BARX2: variants seen among roughly 807,000 people sequenced by gnomAD.
BARX2 encodes homeobox protein BarH-like 2.
In BARX2, 11 loss-of-function variants were observed where a neutral mutation model predicts 25.5. The ratio of observed to expected loss-of-function variants is 0.43; its 90% CI spans 0.27 to 0.71. BARX2 has a LOEUF of 0.71. Ranked by LOEUF, BARX2 falls within the 30% of genes least tolerant of loss-of-function variation. The pLI is 0.19. For synonymous variants in BARX2, 137 were observed against 149.5 expected, an observed-to-expected ratio of 0.92 and a Z score of 0.61; for missense variants, 360 against 359.9, an observed-to-expected ratio of 1.00 and a Z score of 0.00.
intron 2 of BARX2, 172 bp downstream of exon 2, chr11:129,437,223 T>A: frequency 1.3e-6 from 1 of 743,260 alleles, no homozygotes; most frequent in African/African-American, 1.8e-5. Flanking sequence ...CCAGCCCACA[T>A]GAATCCACCA....
chr11:129,442,329 A>T (rs1173246341), intron 2 of BARX2, among the ~76,000 whole-genome samples: 1 of 152,114 alleles, frequency 6.6e-6, no homozygotes, highest in African/African-American at 2.4e-5. Context: ...GAAACGTGGG[A>T]CCATCTGGGT....
intron 1 of BARX2, among the ~76,000 whole-genome samples, chr11:129,397,141 G>A (rs192198254): frequency 5.3e-5 from 8 of 152,116 alleles, no homozygotes; most frequent in Middle Eastern, 3.4e-3. Context: ...AAAGTTAGCC[G>A]GGCGTGGTGG....
At chr11:129,388,245 C>T (rs1591427812) in intron 1 of BARX2, among the ~76,000 whole-genome samples, 1 of 152,214 alleles carries the variant, frequency 6.6e-6, no homozygotes. Context: ...TCTTTCATTT[C>T]CTGTGGTGAT....
At chr11:129,423,547 T>C (rs1416273815) in intron 1 of BARX2, among the ~76,000 whole-genome samples, 1 of 152,212 alleles carries the variant, frequency 6.6e-6, no homozygotes, top group Non-Finnish European at 1.5e-5. Flanking sequence ...CCTGACATTG[T>C]GCACATCTCC....
chr11:129,430,642 G>C (rs868801957), intron 1 of BARX2, among the ~76,000 whole-genome samples: 4 of 152,000 alleles, frequency 2.6e-5, no homozygotes, highest in African/African-American at 9.7e-5. Flanking sequence ...AACAATCTTA[G>C]CACCTCCCCT....
At chr11:129,439,357 C>T (rs1862230460) in intron 2 of BARX2, among the ~76,000 whole-genome samples, 1 of 152,026 alleles carries the variant, frequency 6.6e-6, no homozygotes. Flanking sequence ...TATACACGTG[C>T]CATGGTGGTT....
intron 1 of BARX2, among the ~76,000 whole-genome samples, chr11:129,434,058 C>T (rs1233851274): frequency 1.3e-5 from 2 of 151,910 alleles, no homozygotes; most frequent in Non-Finnish European, 2.9e-5. Context: ...GAGGTTATCA[C>T]TGTTAACAGT....
chr11:129,427,001 A>C (rs531564528), intron 1 of BARX2, among the ~76,000 whole-genome samples: 124 of 152,312 alleles, frequency 8.1e-4, no homozygotes, highest in African/African-American at 2.9e-3. Flanking sequence ...GCTACTGCTG[A>C]ATCTTGCTTT....
chr11:129,386,323 C>T (rs1050216568), intron 1 of BARX2, among the ~76,000 whole-genome samples: 2 of 152,174 alleles, frequency 1.3e-5, no homozygotes, highest in Non-Finnish European at 2.9e-5. Context: ...TAGCATTTCA[C>T]CAGTGGTCCT....
chr11:129,400,933 A>C (rs1003628926), intron 1 of BARX2, among the ~76,000 whole-genome samples: 1 of 152,194 alleles, frequency 6.6e-6, no homozygotes, highest in Non-Finnish European at 1.5e-5. Context: ...GGAACAAGTG[A>C]TCAGCTGTGT....
chr11:129,412,476 A>C (rs990275059), intron 1 of BARX2, among the ~76,000 whole-genome samples: 1 of 152,190 alleles, frequency 6.6e-6, no homozygotes, highest in African/African-American at 2.4e-5. Context: ...CGATTATTGA[A>C]ACAGCAGTGT....
At chr11:129,420,621 C>G (rs1184117997) in intron 1 of BARX2, among the ~76,000 whole-genome samples, 2 of 152,196 alleles carry the variant, frequency 1.3e-5, no homozygotes, top group Non-Finnish European at 2.9e-5. Context: ...TTCGTAGTTA[C>G]AGTCTGGATC....
At chr11:129,406,166 A>T (rs1271363050) in intron 1 of BARX2, among the ~76,000 whole-genome samples, 1 of 152,256 alleles carries the variant, frequency 6.6e-6, no homozygotes, top group Non-Finnish European at 1.5e-5. Context: ...ACACACATTC[A>T]TCTGAAATTC....
intron 1 of BARX2, among the ~76,000 whole-genome samples, chr11:129,386,093 T>C (rs1861614576): frequency 6.6e-6 from 1 of 152,250 alleles, no homozygotes; most frequent in Admixed American, 6.5e-5. Context: ...CCAAGATAAC[T>C]GCTGTTTCTC....
intron 2 of BARX2, among the ~76,000 whole-genome samples, chr11:129,441,233 T>G (rs1461046918): frequency 6.6e-6 from 1 of 152,060 alleles, no homozygotes; most frequent in African/African-American, 2.4e-5. Context: ...TGTGCAGATA[T>G]ATTGTGAGTG....
At chr11:129,440,409 T>C (rs934897120) in intron 2 of BARX2, among the ~76,000 whole-genome samples, 1 of 152,208 alleles carries the variant, frequency 6.6e-6, no homozygotes, top group African/African-American at 2.4e-5. Context: ...GCCAGAACCA[T>C]GGAGGACCCG....
intron 1 of BARX2, among the ~76,000 whole-genome samples, chr11:129,385,500 A>G (rs1565508819): frequency 6.6e-6 from 1 of 152,214 alleles, no homozygotes; most frequent in Non-Finnish European, 1.5e-5. Context: ...ATTAATATGG[A>G]TACATTTTAG....
chr11:129,417,486 C>A (rs941363265), intron 1 of BARX2, among the ~76,000 whole-genome samples: 2 of 152,170 alleles, frequency 1.3e-5, no homozygotes, highest in African/African-American at 2.4e-5. Flanking sequence ...AGCTGGGGCC[C>A]AACGAAAGGA....
At position 129,416,053 on chromosome 11, in the gene BARX2, T is replaced by C. The variant is rs116853337; in HGVS notation, c.188-20698T>C. Among the ~76,000 whole-genome samples, 368 of 152,342 alleles carry C rather than the reference T, an allele frequency of 2.4e-3. 1 individual carries two copies. The highest frequency in any genetic ancestry group is 0.01 in the Middle Eastern group (3 of 294). ...AGACCCCTGTTTCATCTTTGACTTT[T>C]ATAGGAAAGGTTGGATTGGATGGGC... On this transcript the variant is annotated intron_variant, in intron 1 of 3. Coordinates refer to ENST00000281437, the MANE Select transcript of BARX2 (RefSeq NM_003658.5).
Sources: allele counts gnomAD v4.1 joint callset (sites outside exome capture counted in the v4.1 genomes callset), GRCh38; gene constraint gnomAD v4.1.1; transcripts MANE v1.5; gene names NCBI Gene and HGNC (gene_info 2026-07-23, HGNC 2026-07-21).